The following STRIP2 variants were observed in gnomAD, a reference collection of about 807,000 sequenced individuals.
The protein encoded by STRIP2 is striatin interacting protein 2, also known as striatin-interacting protein 2.
Under a neutral mutation model 107.1 loss-of-function variants are expected in STRIP2, and 84 were observed. That is an observed-to-expected ratio of 0.78 (90% CI 0.66 to 0.94). STRIP2 has a LOEUF of 0.94. Ranked by LOEUF, STRIP2 falls within the 40% of genes least tolerant of loss-of-function variation. The probability of loss-of-function intolerance (pLI) is 0.00; values close to 1 mark genes in which losing one functional copy is unlikely to be tolerated. For synonymous variants in STRIP2, 394 were observed against 400.4 expected (o/e 0.98, Z 0.19); for missense variants, 888 against 1,034.2 (o/e 0.86, Z 1.94).
At chr7:129,451,824 G>C in intron 4 of STRIP2, 77 bp downstream of exon 4, 1 of 1,559,336 alleles carries the variant, frequency 6.4e-7, no homozygotes. Flanking sequence ...CTGAGATGAC[G>C]CAGGCTGTGC....
chr7:129,451,564 G>A, intron 3 of STRIP2, 49 bp from the exon 4 acceptor site: 1 of 1,607,140 alleles, frequency 6.2e-7, no homozygotes, highest in Non-Finnish European at 8.5e-7. Context: ...GCCTTTCCAG[G>A]AAGGGTGGCA....
chr7:129,485,486 G>T, intron 20 of STRIP2, 93 bp from the exon 21 acceptor site: 17 of 1,351,204 alleles, frequency 1.3e-5, no homozygotes, highest in Non-Finnish European at 1.6e-5. Flanking sequence ...TTTCTGAGCA[G>T]TTCCATTTTT....
intron 11 of STRIP2, among the ~76,000 whole-genome samples, chr7:129,459,172 T>TC (rs1423189291): frequency 6.6e-6 from 1 of 152,170 alleles, no homozygotes; most frequent in African/African-American, 2.4e-5. Flanking sequence ...CATGAATCCT[T>TC]CCCACTGGCC....
intron 18 of STRIP2, 124 bp downstream of exon 18, chr7:129,470,839 A>G: frequency 3.8e-6 from 3 of 798,952 alleles, no homozygotes; most frequent in Non-Finnish European, 6.4e-6. Context: ...ATGAAGGTAT[A>G]TTGGCAAGAG....
intron 7 of STRIP2, 98 bp from the exon 8 acceptor site, chr7:129,455,146 T>G: frequency 1.4e-6 from 2 of 1,412,554 alleles, no homozygotes; most frequent in Non-Finnish European, 9.5e-7. Context: ...TCAGGGGAGG[T>G]GAGTGCCTTC....
intron 14 of STRIP2, 29 bp downstream of exon 14, chr7:129,463,069 C>T (rs1468652917): frequency 3.2e-6 from 5 of 1,576,232 alleles, no homozygotes; most frequent in Non-Finnish European, 4.3e-6. Flanking sequence ...CAGAGCTGCC[C>T]TTCTCTGCTG....
chr7:129,458,104 T>C lies in STRIP2; in HGVS notation c.1039-111T>C. 1 of 841,200 alleles carries C rather than the reference T, an allele frequency of 1.2e-6. No homozygotes were observed. The highest frequency in any genetic ancestry group is 2.6e-5 in the East Asian group (1 of 38,190). 52.1% of individuals were successfully genotyped at this position (841,200 alleles called of 1,614,324 possible). ...TTGGATGTTTTCGCAAGGGCTGTGT[T>C]CAGATTCCATGTTCCCTGAAATGTG... On this transcript the variant is annotated intron_variant, in intron 9 of 20. Transcript: ENST00000249344. The surrounding 1 kb of genome is among the most constrained non-coding windows in gnomAD (Gnocchi z 4.6).
chr7:129,473,930 G>A (rs1229731523), intron 18 of STRIP2, among the ~76,000 whole-genome samples: 1 of 151,856 alleles, frequency 6.6e-6, no homozygotes, highest in Non-Finnish European at 1.5e-5. Flanking sequence ...TGTTAGCCAG[G>A]ATGGTCTCAA....
intron 3 of STRIP2, among the ~76,000 whole-genome samples, chr7:129,450,565 GGTGAGTATCTATTCTGT>G (rs1363697089): frequency 1.3e-5 from 2 of 152,200 alleles, no homozygotes; most frequent in Non-Finnish European, 2.9e-5. Context: ...ACAAATGTGT[GGTGAGTATCTATTCTGT>G]GTCAGATACT....
Position 129,456,547 on chromosome 7 carries a change from C to G in STRIP2, c.943C>G (p.Arg315Gly). ...EDSIQVVKSM[R>G]AASPPSYTLD... ...CAGTATCCAGGTGGTGAAGAGCATG[C>G]GTGCTGCCTCCCCGCCCTCTTACAC... Residue 315 changes from arginine to glycine, a missense_variant, in exon 9 of 21, where the codon CGT becomes GGT. Coordinates refer to ENST00000249344, the MANE Select transcript of STRIP2 (RefSeq NM_020704.3). 1 of 1,614,034 alleles carries G rather than the reference C, an allele frequency of 6.2e-7. No individual in the cohort carries two copies. Among genetic ancestry groups the G allele is most frequent in the Non-Finnish European group, 8.5e-7 (1 of 1,179,978 alleles).
chr7:129,435,061 CGGGCCCCTGGGCCAGCCGA>C (rs1268371105), intron 1 of STRIP2, among the ~76,000 whole-genome samples: 6 of 152,082 alleles, frequency 3.9e-5, no homozygotes, highest in Non-Finnish European at 7.4e-5. Flanking sequence ...CTGCCTGCGG[CGGGCCCCTGGGCCAGCCGA>C]GGGACTTCTG....
chr7:129,447,309 G>C (rs1322425347), intron 3 of STRIP2, among the ~76,000 whole-genome samples: 1 of 152,190 alleles, frequency 6.6e-6, no homozygotes, highest in African/African-American at 2.4e-5. Flanking sequence ...TGTGCTTCTT[G>C]GTTGTAGGAG....
Position 129,485,777 on chromosome 7 carries a change from G to C in STRIP2, c.2453G>C (p.Arg818Thr), listed in dbSNP as rs1479504622. 1.2e-6 allele frequency: 2 copies of C among 1,614,196 alleles called. No homozygotes were observed. Among genetic ancestry groups the C allele is most frequent in the Non-Finnish European group, 1.7e-6 (2 of 1,180,046 alleles). ...FHYSYELWLE[R>T]EVFSQPICWE... ...TATTCATATGAGCTCTGGCTCGAGA[G>C]AGAGGTGTTTTCACAGCCCATCTGT... is the stretch of plus-strand genomic sequence containing the variant. The change falls in exon 21 of 21, where the codon AGA becomes ACA. Residue 818 changes from arginine to threonine, a missense_variant. Arg to Thr is a moderately conservative substitution (Grantham distance 71). Transcript: ENST00000249344.
chr7:129,468,527 G>T (rs2151010448), intron 17 of STRIP2, among the ~76,000 whole-genome samples: 1 of 152,290 alleles, frequency 6.6e-6, no homozygotes, highest in Non-Finnish European at 1.5e-5. Flanking sequence ...GTTAATATTG[G>T]TATATGTAAG....
intron 17 of STRIP2, among the ~76,000 whole-genome samples, chr7:129,469,302 T>G (rs117458727): frequency 2.6e-5 from 4 of 152,366 alleles, no homozygotes; most frequent in Non-Finnish European, 4.4e-5. Context: ...TTTTGAATGA[T>G]CTCTGAGAAC....
chr7:129,473,673 G>A (rs1332751181), intron 18 of STRIP2, among the ~76,000 whole-genome samples: 1 of 151,762 alleles, frequency 6.6e-6, no homozygotes, highest in Non-Finnish European at 1.5e-5. Context: ...CCCAGCTGAG[G>A]ACATAATTTT....
chr7:129,448,056 A>G (rs1199622001), intron 3 of STRIP2, among the ~76,000 whole-genome samples: 1 of 152,090 alleles, frequency 6.6e-6, no homozygotes. Flanking sequence ...CACCATAGTA[A>G]CGCTCACCCT....
chr7:129,479,097 A>G (rs1799049170), intron 18 of STRIP2, among the ~76,000 whole-genome samples: 1 of 152,094 alleles, frequency 6.6e-6, no homozygotes, highest in African/African-American at 2.4e-5. Context: ...CAACATGGAG[A>G]AACCCCATCT....
At chr7:129,450,758 G>A (rs1037055915) in intron 3 of STRIP2, among the ~76,000 whole-genome samples, 1 of 151,910 alleles carries the variant, frequency 6.6e-6, no homozygotes, top group African/African-American at 2.4e-5. Context: ...TCTGCCCAAG[G>A]GCCTTCTCTG....
Sources: gnomAD v4.1 joint callset for allele counts (sites outside exome capture counted in the v4.1 genomes callset) on GRCh38, gnomAD v4.1.1 for gene constraint, Gnocchi (gnomAD v3.1) non-coding constraint, MANE v1.5 for transcripts, NCBI Gene and HGNC (gene_info 2026-07-23, HGNC 2026-07-21) for gene names.